Variants in COP1 observed in about 807,000 individuals in gnomAD.
COP1 encodes COP1 E3 ubiquitin ligase.
Under a neutral mutation model 101.3 loss-of-function variants are expected in COP1, and 24 were observed. The observed-to-expected ratio is 0.24, with a 90% CI of 0.17 to 0.33. The LOEUF is 0.33. Ranked by LOEUF, COP1 falls within the 10% of genes least tolerant of loss-of-function variation. The pLI is 1.00. For synonymous variants in COP1, 347 were observed against 341.9 expected (o/e 1.01, Z -0.17); for missense variants, 663 against 906.2 (o/e 0.73, Z 3.45).
At chr1:176,089,850 C>T (rs925234298) in intron 9 of COP1, among the ~76,000 whole-genome samples, 4 of 152,126 alleles carry the variant, frequency 2.6e-5, no homozygotes, top group Non-Finnish European at 5.9e-5. Context: ...TATATTTTAC[C>T]CCCAAATAGT....
At chr1:176,103,200 T>C (rs942741539) in intron 9 of COP1, among the ~76,000 whole-genome samples, 5 of 152,206 alleles carry the variant, frequency 3.3e-5, no homozygotes, top group African/African-American at 1.2e-4. Context: ...CAGCATCTTT[T>C]GTTATTCACA....
chr1:176,113,080 T>C (rs2481633), intron 9 of COP1, among the ~76,000 whole-genome samples: 41,299 of 152,164 alleles, frequency 0.27, 6,725 homozygotes, highest in East Asian at 0.52. Context: ...AGTGGGGTTG[T>C]TGGAACATAT....
chr1:176,137,053 T>C (rs951656584), intron 6 of COP1, among the ~76,000 whole-genome samples: 20 of 152,158 alleles, frequency 1.3e-4, no homozygotes, highest in African/African-American at 4.8e-4. Context: ...AGAACTTTAA[T>C]CATACTTTAT....
rs1201903791 is a variant in COP1 at position 175,994,099 on chromosome 1, T to G, written c.1730-4620A>C. Reference sequence around the variant, plus strand: ...AGTGGGGGCCAATATTCAACATTCCTAAAGAAAAGAATTTTCAACCCAGAA... The same window carrying G: ...AGTGGGGGCCAATATTCAACATTCCGAAAGAAAAGAATTTTCAACCCAGAA... On this transcript the variant is annotated intron_variant, in intron 15 of 19. Transcript: ENST00000367669. Among the ~76,000 whole-genome samples, 3 of 152,282 alleles carry G rather than the reference T, an allele frequency of 2.0e-5. No homozygotes were observed. The East Asian group carries it at 5.8e-4, about 29-fold the overall frequency.
intron 18 of COP1, among the ~76,000 whole-genome samples, chr1:175,957,907 G>A (rs1459712751): frequency 6.6e-6 from 1 of 152,070 alleles, no homozygotes; most frequent in Non-Finnish European, 1.5e-5. Context: ...TAAATAAAAG[G>A]AGCCAGGTGC....
intron 14 of COP1, among the ~76,000 whole-genome samples, chr1:176,031,939 G>A (rs1232613852): frequency 6.6e-6 from 1 of 152,100 alleles, no homozygotes; most frequent in Non-Finnish European, 1.5e-5. Flanking sequence ...ACAAGATATT[G>A]CTTATCTATA....
chr1:175,980,664 T>A (rs1008649165), intron 18 of COP1, among the ~76,000 whole-genome samples: 1 of 151,958 alleles, frequency 6.6e-6, no homozygotes, highest in Non-Finnish European at 1.5e-5. Context: ...ACAGAAAATG[T>A]CCACCCTAAT....
chr1:176,191,183 C>T (rs1030503128), intron 1 of COP1, among the ~76,000 whole-genome samples: 2 of 151,980 alleles, frequency 1.3e-5, no homozygotes, highest in Admixed American at 6.6e-5. Flanking sequence ...AAAAAACAGA[C>T]TCGAAAACAA....
chr1:176,041,687 C>T lies in COP1; in HGVS notation c.1612+1499G>A, dbSNP rs182854431. On this transcript the variant is annotated intron_variant, in intron 14 of 19. Transcript: ENST00000367669. ...ATTTTTAAAAAAATAAACAGTAGGC[C>T]GGGCATGGTGGCTCACACCGGTAAT... Among the ~76,000 whole-genome samples, 430 of 152,264 alleles carry T rather than the reference C, an allele frequency of 2.8e-3. 3 individuals are homozygous for T. The highest frequency in any genetic ancestry group is 9.3e-3 in the African/African-American group (385 of 41,562).
Position 175,987,120 on chromosome 1 carries a change from ATAATAG to A in COP1, c.1973-23_1973-18del, listed in dbSNP as rs748262504. ...TTTCACTTCCTGAAAACAAATAATA[ATAATAG>A]TATTTTAGAATAGAAAAACTCGGAA... On this transcript the variant is annotated intron_variant, in intron 17 of 19. Transcript: ENST00000367669. The A allele has an allele frequency of 9.3e-6, 12 of 1,289,148 alleles. No homozygotes were observed. Among genetic ancestry groups the A allele is most frequent in the South Asian group, 1.5e-5 (1 of 68,788 alleles). The allele number at this position is 1,289,148 out of a possible 1,614,324, so 79.9% of individuals were successfully genotyped here.
At chr1:176,057,716 C>T (rs1484660148) in intron 11 of COP1, among the ~76,000 whole-genome samples, 2 of 152,236 alleles carry the variant, frequency 1.3e-5, no homozygotes, top group African/African-American at 4.8e-5. Flanking sequence ...CTGCCTTGGC[C>T]TCCCAAAGTG....
At chr1:176,027,365 C>T (rs948568571) in intron 15 of COP1, among the ~76,000 whole-genome samples, 21 of 151,992 alleles carry the variant, frequency 1.4e-4, no homozygotes, top group Non-Finnish European at 2.6e-4. Context: ...TTCATATCTA[C>T]GTATTAAAGA....
chr1:175,966,688 G>A (rs1190853524), intron 18 of COP1, among the ~76,000 whole-genome samples: 1 of 152,156 alleles, frequency 6.6e-6, no homozygotes, highest in Non-Finnish European at 1.5e-5. Flanking sequence ...GTACAAGAGA[G>A]CCTCAGTTCT....
chr1:176,030,387 T>C (rs1358576080), intron 14 of COP1, among the ~76,000 whole-genome samples: 1 of 152,146 alleles, frequency 6.6e-6, no homozygotes, highest in Admixed American at 6.6e-5. Flanking sequence ...AATAGATAAG[T>C]ATGGAGCACT....
chr1:176,203,572 TAA>T (rs1186152898), intron 1 of COP1, among the ~76,000 whole-genome samples: 3 of 152,138 alleles, frequency 2.0e-5, no homozygotes, highest in African/African-American at 7.2e-5. Flanking sequence ...AAATGAACCG[TAA>T]GAAAATTTTG....
chr1:176,045,333 A>G (rs1317621346), intron 12 of COP1, among the ~76,000 whole-genome samples: 1 of 152,164 alleles, frequency 6.6e-6, no homozygotes, highest in East Asian at 1.9e-4. Context: ...TGAATGGGGA[A>G]GCTCACCAAT....
At chr1:176,025,378 C>G (rs1667485624) in intron 15 of COP1, among the ~76,000 whole-genome samples, 1 of 150,072 alleles carries the variant, frequency 6.7e-6, no homozygotes, top group African/African-American at 2.5e-5. Context: ...TAAAAAGCTA[C>G]TAGACTTAAT....
intron 8 of COP1, among the ~76,000 whole-genome samples, chr1:176,130,309 A>G (rs1688680892): frequency 6.6e-6 from 1 of 151,702 alleles, no homozygotes; most frequent in South Asian, 2.1e-4. Context: ...ATACAAAAGA[A>G]CCAATTCCTC....
At position 176,079,963 on chromosome 1, in the gene COP1, G is replaced by A. The variant is rs116403583; in HGVS notation, c.1277+1189C>T. Among the ~76,000 whole-genome samples, 1,012 of 151,794 alleles carry A rather than the reference G, an allele frequency of 6.7e-3. 9 individuals are homozygous for A. Among genetic ancestry groups the A allele is most frequent in the African/African-American group, 0.023 (960 of 41,366 alleles). On this transcript the variant is annotated intron_variant, in intron 11 of 19. Transcript: ENST00000367669. The stretch of plus-strand genomic sequence containing the variant: ...GCATGAGCCTAGGAGTCTGAGGATC[G>A]CCTAGGCAGCATAATGAGACCCTGT...
Sources: gnomAD v4.1 joint callset for allele counts (sites outside exome capture counted in the v4.1 genomes callset) on GRCh38, gnomAD v4.1.1 for gene constraint, MANE v1.5 for transcripts, NCBI Gene and HGNC (gene_info 2026-07-23, HGNC 2026-07-21) for gene names.